CACNA1E: variants seen among roughly 807,000 people sequenced by gnomAD.
CACNA1E encodes the protein voltage-dependent R-type calcium channel subunit alpha-1E.
A neutral mutation model predicts 259.2 loss-of-function variants in CACNA1E; 40 were observed. That is an observed-to-expected ratio of 0.15 (90% CI 0.12 to 0.20). CACNA1E has a LOEUF of 0.20. CACNA1E is among the 10% of genes least tolerant of loss of function. CACNA1E has a pLI of 1.00. For missense variants in CACNA1E, 1,874 were observed against 3,040.1 expected, an observed-to-expected ratio of 0.62 and a Z score of 9.02; for synonymous variants, 1,104 against 1,138.5, an observed-to-expected ratio of 0.97 and a Z score of 0.61.
intron 1 of CACNA1E, among the ~76,000 whole-genome samples, chr1:181,386,942 C>T (rs1404513269): frequency 6.6e-6 from 1 of 152,166 alleles, no homozygotes; most frequent in Non-Finnish European, 1.5e-5. Context: ...TTTGCCTCAT[C>T]GCAGGCCACA....
chr1:181,674,995 T>C (rs1649226236), intron 7 of CACNA1E, among the ~76,000 whole-genome samples: 1 of 151,588 alleles, frequency 6.6e-6, no homozygotes, highest in South Asian at 2.1e-4. Flanking sequence ...AAGGTTAGTG[T>C]TATAATTAAA....
intron 2 of CACNA1E, among the ~76,000 whole-genome samples, chr1:181,425,018 C>T (rs536316058): frequency 6.6e-6 from 1 of 152,352 alleles, no homozygotes; most frequent in East Asian, 1.9e-4. Context: ...CCCCAGCCAC[C>T]TTTTTGAAGA....
intron 43 of CACNA1E, 65 bp downstream of exon 43, chr1:181,785,884 A>G (rs1464235649): frequency 6.8e-6 from 7 of 1,027,716 alleles, no homozygotes; most frequent in Non-Finnish European, 1.0e-5. Context: ...TGTTGTGCAG[A>G]CCCCAAAACT....
chr1:181,738,568 C>G, intron 24 of CACNA1E, 142 bp downstream of exon 24: 1 of 718,348 alleles, frequency 1.4e-6, no homozygotes, highest in Non-Finnish European at 2.5e-6. Context: ...CTTCTCTGGC[C>G]TCAGAATCCT....
chr1:181,710,851 T>A, intron 7 of CACNA1E, 103 bp from the exon 8 acceptor site: 1 of 808,864 alleles, frequency 1.2e-6, no homozygotes, highest in South Asian at 1.5e-5. Flanking sequence ...ATGGGCTTAA[T>A]AGAGGTACTT....
chr1:181,319,690 T>C (rs1164121992), intron 1 of CACNA1E, among the ~76,000 whole-genome samples: 1 of 152,204 alleles, frequency 6.6e-6, no homozygotes, highest in Non-Finnish European at 1.5e-5. Context: ...TTGGTAATAA[T>C]TACACATGGC....
chr1:181,755,242 C>A lies in CACNA1E; in HGVS notation c.3834C>A (p.Val1278=). The stretch of plus-strand genomic sequence containing the variant: ...GCTGTTTGCTCTGTCCACAGGCCGT[C>A]TTCGACTGCGTAGTGACCTCCTTGA... ...TIKRLPKLKA[V]FDCVVTSLKN... Residue 1278 remains valine (V), a synonymous_variant, in exon 28 of 48, where the codon GTC becomes GTA. Coordinates refer to ENST00000367573, the MANE Select transcript of CACNA1E (RefSeq NM_001205293.3). The A allele has an allele frequency of 6.2e-7, 1 of 1,613,704 alleles. No individual in the cohort carries two copies. Among genetic ancestry groups the A allele is most frequent in the South Asian group, 1.1e-5 (1 of 91,006 alleles).
rs1159897883 is a variant in CACNA1E at position 181,719,880 on chromosome 1, TG to T, written c.1751+19del. 7.1e-7 allele frequency: 1 copy of T among 1,409,728 alleles called. No individual in the cohort carries two copies. Among genetic ancestry groups the T allele is most frequent in the Non-Finnish European group, 9.8e-7 (1 of 1,016,184 alleles). 87.3% of individuals were successfully genotyped at this position (1,409,728 alleles called of 1,614,324 possible). A position where few individuals can be genotyped will look rare whatever the true frequency, so the allele number is the denominator to read the frequency against. On this transcript the variant is annotated intron_variant, in intron 13 of 47. Transcript: ENST00000367573. ...AATAACCAAGTAAGTGATCAGAATT[TG>T]GACTTTTCCCAATGTCTTTGAGAGT...
Position 181,797,810 on chromosome 1 carries a change from A to G in CACNA1E, c.6400-482A>G, listed in dbSNP as rs538607982. The stretch of plus-strand genomic sequence containing the variant: ...ACAGAAGCTGAGTTCAGCAAACCAC[A>G]GAAGACATGGGCAGGAATAAGGGTT... On this transcript the variant is annotated intron_variant, in intron 47 of 47. Transcript: ENST00000367573. Among the ~76,000 whole-genome samples the G allele has an allele frequency of 5.3e-5, 8 of 152,360 alleles. No individual in the cohort carries two copies. In the East Asian group the frequency reaches 1.3e-3, roughly 26 times the overall value.
At chr1:181,418,234 G>A (rs1349487575) in intron 2 of CACNA1E, among the ~76,000 whole-genome samples, 1 of 152,266 alleles carries the variant, frequency 6.6e-6, no homozygotes, top group African/African-American at 2.4e-5. Flanking sequence ...TTGGCCTCAA[G>A]TAATCCTCCT....
chr1:181,635,560 T>C (rs1470453381), intron 6 of CACNA1E, among the ~76,000 whole-genome samples: 1 of 152,206 alleles, frequency 6.6e-6, no homozygotes, highest in Non-Finnish European at 1.5e-5. Flanking sequence ...ATTTATATTA[T>C]ACTTTAGCAA....
chr1:181,382,052 C>A (rs1655493495), intron 1 of CACNA1E, among the ~76,000 whole-genome samples: 2 of 152,294 alleles, frequency 1.3e-5, no homozygotes, highest in South Asian at 4.2e-4. Flanking sequence ...GGAAGAGAAG[C>A]CTGGGGACAG....
intron 3 of CACNA1E, among the ~76,000 whole-genome samples, chr1:181,560,319 A>G (rs1176372917): frequency 6.6e-6 from 1 of 152,162 alleles, no homozygotes; most frequent in Non-Finnish European, 1.5e-5. Context: ...CATAAAGATA[A>G]TACAGATAAC....
intron 7 of CACNA1E, among the ~76,000 whole-genome samples, chr1:181,679,259 A>G (rs1295248630): frequency 6.6e-6 from 1 of 152,232 alleles, no homozygotes; most frequent in African/African-American, 2.4e-5. Context: ...TCAGTATGAC[A>G]GGCTGTGTTT....
chr1:181,351,621 G>T (rs1429897913), intron 1 of CACNA1E, among the ~76,000 whole-genome samples: 1 of 152,160 alleles, frequency 6.6e-6, no homozygotes, highest in African/African-American at 2.4e-5. Flanking sequence ...TCCCTCTGGG[G>T]GCTGTAGAGG....
At position 181,783,649 on chromosome 1, in the gene CACNA1E, CCTG is replaced by C; in HGVS notation, c.5365-26_5365-24del. ...TGTCTTTCAATTTTTTTTTTTTTTG[CCTG>C]CTGTTTCTTTTTTCTCTTTCACACA... On this transcript the variant is annotated intron_variant, in intron 39 of 47. Coordinates refer to ENST00000367573, the MANE Select transcript of CACNA1E (RefSeq NM_001205293.3). The C allele has an allele frequency of 3.8e-6, 4 of 1,046,378 alleles. No individual in the cohort carries two copies. In the Admixed American group the frequency reaches 7.3e-5, roughly 19 times the overall value. The allele number at this position is 1,046,378 out of a possible 1,614,324, so 64.8% of individuals were successfully genotyped here. A position where few individuals can be genotyped will look rare whatever the true frequency, so the allele number is the denominator to read the frequency against.
Position 181,798,484 on chromosome 1 carries a change from C to A in CACNA1E, c.6592C>A (p.Gln2198Lys), listed in dbSNP as rs559196607. ...GSEEGSPLTS[Q>K]ALESNNACLT... ...CGAGGAGGGCTCCCCGCTGACCTCC[C>A]AAGCTCTGGAGAGCAACAATGCTTG... is the stretch of plus-strand genomic sequence containing the variant. The change falls in exon 48 of 48, where the codon CAA becomes AAA. Residue 2198 changes from glutamine to lysine, a missense_variant. Around this residue, in one of 14 missense-constraint regions of CACNA1E, gnomAD observed 542 missense variants for 587.2 expected, o/e 0.92. Transcript: ENST00000367573. The surrounding 1 kb of genome is among the most constrained non-coding windows in gnomAD (Gnocchi z 4.2). The A allele has an allele frequency of 3.7e-6, 6 of 1,613,958 alleles. No homozygotes were observed. Among genetic ancestry groups the A allele is most frequent in the South Asian group, 1.1e-5 (1 of 91,086 alleles).
intron 1 of CACNA1E, among the ~76,000 whole-genome samples, chr1:181,503,884 T>C (rs576006): frequency 0.5 from 76,737 of 152,036 alleles, 21,327 homozygotes; most frequent in African/African-American, 0.76. Context: ...GCTACATTTT[T>C]TCCATTGCAT....
At chr1:181,390,553 A>C (rs1656189334) in intron 1 of CACNA1E, among the ~76,000 whole-genome samples, 1 of 152,076 alleles carries the variant, frequency 6.6e-6, no homozygotes, top group South Asian at 2.1e-4. Flanking sequence ...GGAGAGTGTA[A>C]ATCCATGAGT....
Sources: gnomAD v4.1 joint callset for allele counts (sites outside exome capture counted in the v4.1 genomes callset) on GRCh38, gnomAD v4.1.1 for gene constraint, gnomAD v4.1.1 regional missense constraint, Gnocchi (gnomAD v3.1) non-coding constraint, MANE v1.5 for transcripts, NCBI Gene and HGNC (gene_info 2026-07-23, HGNC 2026-07-21) for gene names.